The following SAXO5 variants were observed in gnomAD, a reference collection of about 807,000 sequenced individuals.
SAXO5 encodes stabilizer of axonemal microtubules 5, also known as testis expressed 45.
At chr19:7,504,244 G>A in the SAXO5 span, 40 of 1,613,818 alleles carry the variant, frequency 2.5e-5, no homozygotes, top group Non-Finnish European at 3.3e-5. Context: ...GGCTGTGTTG[G>A]GGCTGCAGGC....
the SAXO5 span, chr19:7,501,439 A>G: frequency 6.9e-7 from 1 of 1,439,396 alleles, no homozygotes; most frequent in Non-Finnish European, 9.0e-7. Flanking sequence ...TTTGCTTCAC[A>G]TTGTGGTTCT....
the SAXO5 span, among the ~76,000 whole-genome samples, chr19:7,500,529 C>T: frequency 6.6e-6 from 1 of 152,066 alleles, no homozygotes; most frequent in Non-Finnish European, 1.5e-5. Flanking sequence ...AGGCTGGTCT[C>T]GAACTCCTGA....
chr19:7,506,917 C>A, the SAXO5 span: 5 of 662,354 alleles, frequency 7.5e-6, no homozygotes, highest in South Asian at 7.0e-5. Flanking sequence ...TCCCCCCTCT[C>A]CTAATCCATT....
chr19:7,506,324 C>G, the SAXO5 span: 2 of 693,856 alleles, frequency 2.9e-6, no homozygotes, highest in Non-Finnish European at 2.6e-6. Context: ...TGCCACTGCT[C>G]TGGCCCCGCC....
chr19:7,498,630 G>A, the SAXO5 span, among the ~76,000 whole-genome samples: 1 of 152,058 alleles, frequency 6.6e-6, no homozygotes, highest in Admixed American at 6.6e-5. Flanking sequence ...TCCGACCTCA[G>A]GAGATCTGCC....
the SAXO5 span, chr19:7,504,155 A>G: frequency 6.2e-7 from 1 of 1,613,794 alleles, no homozygotes; most frequent in Non-Finnish European, 8.5e-7. Flanking sequence ...ACTACACGAG[A>G]CAAGATGGGA....
At chr19:7,506,181 A>AAGCCCCGCCCAATGG in the SAXO5 span, 1 of 1,486,206 alleles carries the variant, frequency 6.7e-7, no homozygotes, top group South Asian at 1.2e-5. Flanking sequence ...CGCTCCCGGG[A>AAGCCCCGCCCAATGG]AGCCCCGCCC....
At chr19:7,507,861 C>T in the SAXO5 span, among the ~76,000 whole-genome samples, 1 of 152,164 alleles carries the variant, frequency 6.6e-6, no homozygotes, top group Non-Finnish European at 1.5e-5. Context: ...TGGCTCTGTC[C>T]CTAGGCGGCC....
At chr19:7,506,019 G>C in the SAXO5 span, 3 of 1,611,432 alleles carry the variant, frequency 1.9e-6, no homozygotes, top group African/African-American at 4.0e-5. Flanking sequence ...AAATTGCAGA[G>C]TCATGTGACC....
chr19:7,499,249 T>A, the SAXO5 span, among the ~76,000 whole-genome samples: 1 of 149,576 alleles, frequency 6.7e-6, no homozygotes, highest in Non-Finnish European at 1.5e-5. Context: ...GAGGTGGAGG[T>A]TGCAGTGAGC....
At chr19:7,505,602 C>T in the SAXO5 span, 1 of 1,614,190 alleles carries the variant, frequency 6.2e-7, no homozygotes, top group Non-Finnish European at 8.5e-7. Flanking sequence ...GTCTGGACAC[C>T]TTCATGCAGT....
the SAXO5 span, chr19:7,504,301 C>T: frequency 6.2e-7 from 1 of 1,614,094 alleles, no homozygotes; most frequent in South Asian, 1.1e-5. Context: ...CTATCCCTGT[C>T]TGCCCACAGG....
the SAXO5 span, chr19:7,505,574 G>A: frequency 9.9e-6 from 16 of 1,614,064 alleles, no homozygotes; most frequent in African/African-American, 2.0e-4. Context: ...AAAGGAAATT[G>A]GTGCCCCGGC....
the SAXO5 span, chr19:7,506,490 C>A: frequency 2.4e-6 from 1 of 425,300 alleles, no homozygotes; most frequent in Non-Finnish European, 4.4e-6. Flanking sequence ...CGGCCCTGCC[C>A]CTTCTCCATC....
At chr19:7,508,449 T>G in the SAXO5 span, 4 of 1,592,184 alleles carry the variant, frequency 2.5e-6, no homozygotes, top group Non-Finnish European at 3.4e-6. Flanking sequence ...TTGGCAACAT[T>G]CCACTCTTTC....
At chr19:7,503,792 T>A in the SAXO5 span, among the ~76,000 whole-genome samples, 3 of 152,202 alleles carry the variant, frequency 2.0e-5, no homozygotes, top group South Asian at 2.1e-4. Flanking sequence ...GCTGTATTTT[T>A]AAATTTATCA....
the SAXO5 span, among the ~76,000 whole-genome samples, chr19:7,505,006 C>T: frequency 4.3e-5 from 6 of 139,808 alleles, no homozygotes; most frequent in Admixed American, 1.5e-4. Context: ...TTTTTTGAGA[C>T]GTAGTCTCGC....
At chr19:7,503,068 A>G in the SAXO5 span, among the ~76,000 whole-genome samples, 3 of 152,294 alleles carry the variant, frequency 2.0e-5, 1 homozygote, top group South Asian at 4.1e-4. Flanking sequence ...TACCAGGTCC[A>G]AGAAGAAGTT....
the SAXO5 span, among the ~76,000 whole-genome samples, chr19:7,498,374 C>T: frequency 1.3e-5 from 2 of 148,392 alleles, no homozygotes; most frequent in Non-Finnish European, 3.0e-5. Flanking sequence ...CCATGCCCAG[C>T]TAATTTTTGT....
Sources: gnomAD v4.1 joint callset for allele counts (sites outside exome capture counted in the v4.1 genomes callset) on GRCh38, gnomAD v4.1.1 for gene constraint, MANE v1.5 for transcripts, NCBI Gene and HGNC (gene_info 2026-07-23, HGNC 2026-07-21) for gene names.